The following INTS7 variants were observed in gnomAD, a reference collection of about 807,000 sequenced individuals.
INTS7 encodes the protein chromosome 1 open reading frame 73.
In INTS7, 46 loss-of-function variants were observed where a neutral mutation model predicts 109.2. The ratio of observed to expected loss-of-function variants is 0.42; its 90% CI spans 0.33 to 0.54. INTS7 has a LOEUF of 0.54. INTS7 is among the 20% of genes least tolerant of loss of function. The pLI is 0.07. For missense variants in INTS7, 929 were observed against 1,132.4 expected (o/e 0.82, Z 2.58); for synonymous variants, 412 against 402.9 (o/e 1.02, Z -0.27).
chr1:211,988,657 GGGGGAATGT>G (rs1665009439), intron 7 of INTS7, among the ~76,000 whole-genome samples: 1 of 152,136 alleles, frequency 6.6e-6, no homozygotes. Context: ...GGGAAATGGT[GGGGGAATGT>G]GGGAACCCTG....
At chr1:212,000,991 G>C (rs189674296) in intron 7 of INTS7, among the ~76,000 whole-genome samples, 1 of 150,988 alleles carries the variant, frequency 6.6e-6, no homozygotes, top group African/African-American at 2.4e-5. Context: ...ACTCCTCCGA[G>C]GATAAAAACA....
Position 212,006,759 on chromosome 1 carries a change from A to T in INTS7, c.759T>A (p.Ile253=), listed in dbSNP as rs375332622. ...ASSLVDTPKQ[I]QLLLQYLKND... is the part of the protein sequence containing the mutation. ...TCTTCAAATACTGCAACAGAAGCTG[A>T]ATCTATAAAGGAAATAAGTCACTCC... The change falls in exon 7 of 20, where the codon ATT becomes ATA. Residue 253 remains isoleucine, a splice_region_variant and synonymous_variant. Transcript: ENST00000366994. 7.7e-5 allele frequency: 124 copies of T among 1,601,214 alleles called. No homozygotes were observed. Among genetic ancestry groups the T allele is most frequent in the Middle Eastern group, 5.0e-4 (3 of 6,032 alleles).
At position 212,023,211 on chromosome 1, in the gene INTS7, CAT is replaced by C. The variant is rs540424866; in HGVS notation, c.95-2001_95-2000del. On this transcript the variant is annotated intron_variant, in intron 1 of 19. Transcript: ENST00000366994. ...CTATTGTTAACAGTGCTGGGATAAA[CAT>C]ATGAGTACATGTGTCTTTTGGGCAG... Among the ~76,000 whole-genome samples, 1,188 of 152,268 alleles carry C rather than the reference CAT, an allele frequency of 7.8e-3. 6 individuals are homozygous for C. Among genetic ancestry groups the C allele is most frequent in the Middle Eastern group, 0.027 (8 of 292 alleles).
At chr1:211,968,091 A>G in intron 14 of INTS7, 110 bp from the exon 15 acceptor site, 1 of 569,490 alleles carries the variant, frequency 1.8e-6, no homozygotes, top group Non-Finnish European at 3.0e-6. Flanking sequence ...TTCAAAAAAA[A>G]TACTGCCATC....
At chr1:211,999,475 G>T (rs181813956) in intron 7 of INTS7, among the ~76,000 whole-genome samples, 218 of 152,268 alleles carry the variant, frequency 1.4e-3, no homozygotes, top group African/African-American at 4.9e-3. Flanking sequence ...CTACAGAGGG[G>T]CCTGCAGAAA....
chr1:211,972,844 C>G (rs1664243009), intron 13 of INTS7, among the ~76,000 whole-genome samples: 1 of 152,226 alleles, frequency 6.6e-6, no homozygotes, highest in Admixed American at 6.5e-5. Context: ...GATCTTAGAA[C>G]AGGACCCTGA....
At chr1:212,008,249 A>G (rs1666023317) in intron 5 of INTS7, among the ~76,000 whole-genome samples, 1 of 152,192 alleles carries the variant, frequency 6.6e-6, no homozygotes, top group African/African-American at 2.4e-5. Context: ...ATGAGATCAG[A>G]GTATTCCCTG....
intron 7 of INTS7, among the ~76,000 whole-genome samples, chr1:212,005,325 G>A (rs997216685): frequency 2.6e-5 from 4 of 152,172 alleles, no homozygotes; most frequent in Admixed American, 1.3e-4. Context: ...AGTCAAAATG[G>A]TGGTTTGCTT....
At chr1:211,994,323 T>G (rs906759000) in intron 7 of INTS7, among the ~76,000 whole-genome samples, 5 of 152,124 alleles carry the variant, frequency 3.3e-5, no homozygotes, top group Non-Finnish European at 5.9e-5. Flanking sequence ...TTTCAGTATT[T>G]TCAAAAATAT....
intron 7 of INTS7, among the ~76,000 whole-genome samples, chr1:212,001,224 C>T (rs572664978): frequency 3.3e-5 from 5 of 152,180 alleles, no homozygotes; most frequent in South Asian, 2.1e-4. Flanking sequence ...TGCGCCATCA[C>T]GCCCGGCTAA....
intron 1 of INTS7, among the ~76,000 whole-genome samples, chr1:212,026,409 A>G (rs1053902034): frequency 6.6e-6 from 1 of 152,196 alleles, no homozygotes; most frequent in African/African-American, 2.4e-5. Context: ...ATTAATTAAC[A>G]TTTCTAACTG....
chr1:211,955,939 G>A (rs1167605851), intron 16 of INTS7, among the ~76,000 whole-genome samples: 4 of 152,166 alleles, frequency 2.6e-5, no homozygotes, highest in African/African-American at 9.7e-5. Flanking sequence ...TGGACTTTAA[G>A]GACAGCTAAA....
At chr1:211,986,307 T>C (rs975145155) in intron 8 of INTS7, among the ~76,000 whole-genome samples, 3 of 152,130 alleles carry the variant, frequency 2.0e-5, no homozygotes, top group East Asian at 1.9e-4. Context: ...GTGAGGCCAA[T>C]AGGACTGCCC....
chr1:211,978,253 T>C lies in INTS7; in HGVS notation c.1470+19A>G, dbSNP rs1327705033. On this transcript the variant is annotated intron_variant, in intron 11 of 19. Coordinates refer to ENST00000366994, the MANE Select transcript of INTS7 (RefSeq NM_015434.4). ...CCAGATCCTAGTCATTCAAAGGAGATTCAAAATGGGCTTTTTACCAGAAGT... is the reference window on the plus strand; with the variant it reads ...CCAGATCCTAGTCATTCAAAGGAGACTCAAAATGGGCTTTTTACCAGAAGT... The C allele has an allele frequency of 1.2e-6, 2 of 1,613,476 alleles. No homozygotes were observed. The highest frequency in any genetic ancestry group is 2.7e-5 in the African/African-American group (2 of 74,886).
At chr1:211,955,511 T>C (rs538860399) in intron 16 of INTS7, among the ~76,000 whole-genome samples, 27 of 152,328 alleles carry the variant, frequency 1.8e-4, no homozygotes, top group African/African-American at 6.5e-4. Context: ...GCCCATTCAG[T>C]ATGATACTGG....
intron 7 of INTS7, among the ~76,000 whole-genome samples, chr1:211,997,878 C>CA (rs112560573): frequency 0.07 from 5,775 of 81,976 alleles, 115 homozygotes; most frequent in South Asian, 0.084. Context: ...AACTCCAACT[C>CA]AAAAAAAAAA....
intron 7 of INTS7, among the ~76,000 whole-genome samples, chr1:212,006,397 A>C (rs1377664194): frequency 6.6e-6 from 1 of 152,208 alleles, no homozygotes; most frequent in East Asian, 1.9e-4. Context: ...CCACTATGGG[A>C]GAATGAACAA....
At chr1:211,965,887 C>T (rs375282611) in intron 16 of INTS7, among the ~76,000 whole-genome samples, 3 of 151,990 alleles carry the variant, frequency 2.0e-5, no homozygotes, top group Non-Finnish European at 2.9e-5. Flanking sequence ...CAACAAACCC[C>T]GGTGACACGA....
In INTS7 at chr1:212,007,259, T is replaced by C; in HGVS notation, c.747A>G (p.Thr249=). The change falls in exon 6 of 20, where the codon ACA becomes ACG. Residue 249 remains threonine (T), a synonymous_variant. Transcript: ENST00000366994. The part of the protein sequence containing the change: ...TLLAASSLVD[T]PKQIQLLLQY... ...AGAAAATTGAAATTACCTGCTTAGG[T>C]GTATCAACCAAAGATGACGCTGCAA... The C allele has an allele frequency of 6.2e-7, 1 of 1,612,192 alleles. No homozygotes were observed. The highest frequency in any genetic ancestry group is 8.5e-7 in the Non-Finnish European group (1 of 1,178,388).
Sources: gnomAD v4.1 joint callset for allele counts (sites outside exome capture counted in the v4.1 genomes callset) on GRCh38, gnomAD v4.1.1 for gene constraint, MANE v1.5 for transcripts, NCBI Gene and HGNC (gene_info 2026-07-23, HGNC 2026-07-21) for gene names.